Variants in RABGAP1L observed in about 807,000 individuals in gnomAD.
RABGAP1L encodes rab GTPase-activating protein 1-like.
A neutral mutation model predicts 137.7 loss-of-function variants in RABGAP1L; 63 were observed. The ratio of observed to expected loss-of-function variants is 0.46; its 90% CI spans 0.37 to 0.56. RABGAP1L has a LOEUF of 0.56. Ranked by LOEUF, RABGAP1L falls within the 20% of genes least tolerant of loss-of-function variation. RABGAP1L has a pLI of 0.00. For missense variants in RABGAP1L, 1,095 were observed against 1,244.0 expected (o/e 0.88, Z 1.80); for synonymous variants, 431 against 433.7 (o/e 0.99, Z 0.08).
At chr1:174,531,127 A>T (rs1200061443) in intron 13 of RABGAP1L, among the ~76,000 whole-genome samples, 6 of 152,214 alleles carry the variant, frequency 3.9e-5, no homozygotes, top group Non-Finnish European at 5.9e-5. Flanking sequence ...GCTTTCATTT[A>T]TGTGAAGTAT....
intron 11 of RABGAP1L, among the ~76,000 whole-genome samples, chr1:174,353,267 T>C (rs544028219): frequency 4.7e-4 from 72 of 152,280 alleles, no homozygotes; most frequent in African/African-American, 1.7e-3. Flanking sequence ...TCAGCTGGTA[T>C]TTAAGTTCCA....
At chr1:174,244,773 A>G (rs1672116984) in intron 5 of RABGAP1L, 1 of 152,364 alleles carries the variant, frequency 6.6e-6, no homozygotes, top group Non-Finnish European at 1.5e-5. Flanking sequence ...AAAACTTTCA[A>G]AAGATACTTT....
intron 19 of RABGAP1L, among the ~76,000 whole-genome samples, chr1:174,864,823 A>G (rs558779596): frequency 6.6e-6 from 1 of 152,204 alleles, no homozygotes; most frequent in Non-Finnish European, 1.5e-5. Flanking sequence ...GACATTAAAG[A>G]CCATTTGCAT....
intron 18 of RABGAP1L, among the ~76,000 whole-genome samples, chr1:174,783,857 T>C (rs2116515): frequency 0.94 from 141,145 of 150,466 alleles, 66,869 homozygotes; most frequent in East Asian, 1. Context: ...TACAGGCGCA[T>C]GCCACCATGC....
chr1:174,373,852 T>G (rs904642862), intron 12 of RABGAP1L, among the ~76,000 whole-genome samples: 1 of 152,166 alleles, frequency 6.6e-6, no homozygotes, highest in African/African-American at 2.4e-5. Flanking sequence ...CCCTTACATC[T>G]TTGAGCAGAA....
chr1:174,957,446 A>G lies in RABGAP1L; in HGVS notation c.2341-11A>G. ...TCCTTGTCTAACATGGTTTTCCTCAAATCCCTGCAGGTACCAACCAAGAAG... is the reference window on the plus strand; with the variant it reads ...TCCTTGTCTAACATGGTTTTCCTCAGATCCCTGCAGGTACCAACCAAGAAG... On this transcript the variant is annotated splice_polypyrimidine_tract_variant and intron_variant, in intron 19 of 25. Transcript: ENST00000681986. 1 of 1,606,156 alleles carries G rather than the reference A, an allele frequency of 6.2e-7. No homozygotes were observed.
intron 12 of RABGAP1L, among the ~76,000 whole-genome samples, chr1:174,373,073 T>C (rs924247913): frequency 6.6e-6 from 1 of 152,242 alleles, no homozygotes; most frequent in Non-Finnish European, 1.5e-5. Flanking sequence ...TTTGCAAGCA[T>C]TGTCCACCTA....
At chr1:174,532,937 G>A (rs569338759) in intron 13 of RABGAP1L, among the ~76,000 whole-genome samples, 3 of 152,098 alleles carry the variant, frequency 2.0e-5, no homozygotes, top group Non-Finnish European at 2.9e-5. Flanking sequence ...AACTAAGCTT[G>A]AGAAATAAAC....
At chr1:174,304,700 G>C (rs576376648) in intron 10 of RABGAP1L, among the ~76,000 whole-genome samples, 1 of 152,238 alleles carries the variant, frequency 6.6e-6, no homozygotes, top group African/African-American at 2.4e-5. Context: ...GTCTGTCCTA[G>C]AACCTCTGGT....
chr1:174,262,924 A>G (rs1000901508), intron 7 of RABGAP1L, among the ~76,000 whole-genome samples: 1 of 152,210 alleles, frequency 6.6e-6, no homozygotes, highest in African/African-American at 2.4e-5. Flanking sequence ...CTGATGTGTT[A>G]CATTTATTGT....
chr1:174,537,415 T>C (rs1478437206), intron 13 of RABGAP1L, among the ~76,000 whole-genome samples: 1 of 152,208 alleles, frequency 6.6e-6, no homozygotes, highest in East Asian at 1.9e-4. Flanking sequence ...CTGTAACCCT[T>C]ATCCTACTGC....
intron 24 of RABGAP1L, among the ~76,000 whole-genome samples, chr1:174,985,587 G>A (rs1671523849): frequency 6.6e-6 from 1 of 152,040 alleles, no homozygotes; most frequent in African/African-American, 2.4e-5. Flanking sequence ...ATCTCATTTG[G>A]TATGATAAAT....
At chr1:174,688,697 TAGAC>T (rs1463450322) in intron 15 of RABGAP1L, among the ~76,000 whole-genome samples, 3 of 152,104 alleles carry the variant, frequency 2.0e-5, no homozygotes, top group South Asian at 2.1e-4. Context: ...GAATTGTAAT[TAGAC>T]AGTAAGATGG....
intron 13 of RABGAP1L, among the ~76,000 whole-genome samples, chr1:174,614,123 T>A (rs1488478198): frequency 1.3e-5 from 2 of 152,164 alleles, no homozygotes; most frequent in African/African-American, 4.8e-5. Flanking sequence ...GTGATTTTGC[T>A]TGTTAGTTGA....
chr1:174,675,369 TC>T (rs1297825674), intron 14 of RABGAP1L, among the ~76,000 whole-genome samples: 1 of 152,182 alleles, frequency 6.6e-6, no homozygotes, highest in Admixed American at 6.5e-5. Flanking sequence ...TGCTTGTTTT[TC>T]TCAGATTTGT....
intron 13 of RABGAP1L, among the ~76,000 whole-genome samples, chr1:174,409,065 A>G (rs1649605237): frequency 6.6e-6 from 1 of 152,156 alleles, no homozygotes; most frequent in Non-Finnish European, 1.5e-5. Context: ...TCTTCAGTTT[A>G]ATTAGGTCCT....
At chr1:174,964,271 A>C (rs564181820) in intron 20 of RABGAP1L, among the ~76,000 whole-genome samples, 1 of 152,340 alleles carries the variant, frequency 6.6e-6, no homozygotes, top group South Asian at 2.1e-4. Flanking sequence ...AAAAGTCTTT[A>C]AAAGCATGTG....
intron 19 of RABGAP1L, among the ~76,000 whole-genome samples, chr1:174,851,494 A>G (rs1648336834): frequency 9.7e-6 from 1 of 102,686 alleles, no homozygotes; most frequent in Non-Finnish European, 2.4e-5. Context: ...GTTTTAAATA[A>G]TCTTGTATTT....
rs573109902 is a variant in RABGAP1L, at chr1:174,439,158, TAATATTTCACCATTA to T, written c.1710+45035_1710+45049del. On this transcript the variant is annotated intron_variant, in intron 13 of 25. Transcript: ENST00000681986. Reference sequence around the variant, plus strand: ...TTCCCAGTCTCGGGAAGAAAGCATTTAATATTTCACCATTAAATATTTCACCATTAAATATTATGC... The same window carrying T: ...TTCCCAGTCTCGGGAAGAAAGCATTTAATATTTCACCATTAAATATTATGC... Among the ~76,000 whole-genome samples the T allele has an allele frequency of 1.4e-3, 209 of 152,258 alleles. 1 individual carries two copies. The highest frequency in any genetic ancestry group is 4.7e-3 in the African/African-American group (194 of 41,552).
Sources: gnomAD v4.1 joint callset for allele counts (sites outside exome capture counted in the v4.1 genomes callset) on GRCh38, gnomAD v4.1.1 for gene constraint, MANE v1.5 for transcripts, NCBI Gene and HGNC (gene_info 2026-07-23, HGNC 2026-07-21) for gene names.